Variants in PARD3 observed in about 807,000 individuals in gnomAD.
PARD3 encodes partitioning defective 3 homolog.
PARD3 carries 75 observed loss-of-function variants against 155.4 expected under a neutral mutation model. The observed-to-expected ratio is 0.48, with a 90% CI of 0.40 to 0.58. PARD3 has a LOEUF of 0.58. Ranked by LOEUF, PARD3 falls within the 20% of genes least tolerant of loss-of-function variation. The probability of loss-of-function intolerance (pLI) is 0.00; values close to 1 mark genes in which losing one functional copy is unlikely to be tolerated. For synonymous variants in PARD3, 576 were observed against 610.5 expected (o/e 0.94, Z 0.83); for missense variants, 1,642 against 1,721.7 (o/e 0.95, Z 0.82).
At chr10:34,424,168 T>C (rs951768449) in intron 5 of PARD3, among the ~76,000 whole-genome samples, 3 of 152,198 alleles carry the variant, frequency 2.0e-5, no homozygotes, top group Non-Finnish European at 4.4e-5. Flanking sequence ...TGATGAACAC[T>C]TCCATTCTTT....
At chr10:34,608,927 C>G (rs931856955) in intron 2 of PARD3, among the ~76,000 whole-genome samples, 3 of 152,250 alleles carry the variant, frequency 2.0e-5, no homozygotes, top group Non-Finnish European at 2.9e-5. Flanking sequence ...CATCTACAGT[C>G]TACAGGAGAG....
intron 7 of PARD3, among the ~76,000 whole-genome samples, chr10:34,384,872 A>C (rs933735596): frequency 7.2e-5 from 11 of 152,206 alleles, no homozygotes; most frequent in Non-Finnish European, 1.5e-5. Flanking sequence ...GGAAAAACAA[A>C]TGACCCAACA....
At chr10:34,202,560 C>A (rs544801861) in intron 22 of PARD3, among the ~76,000 whole-genome samples, 1 of 152,296 alleles carries the variant, frequency 6.6e-6, no homozygotes, top group South Asian at 2.1e-4. Context: ...AGCTAAGTGA[C>A]TTCACCACAT....
At chr10:34,546,476 C>G (rs1238248815) in intron 2 of PARD3, among the ~76,000 whole-genome samples, 1 of 151,752 alleles carries the variant, frequency 6.6e-6, no homozygotes, top group Non-Finnish European at 1.5e-5. Context: ...GAGACTGTAC[C>G]ACTGCACACC....
At chr10:34,185,999 A>G (rs2133229183) in intron 22 of PARD3, among the ~76,000 whole-genome samples, 1 of 152,138 alleles carries the variant, frequency 6.6e-6, no homozygotes, top group East Asian at 1.9e-4. Context: ...TTTGTTTCCA[A>G]GGAGTTGAGC....
At chr10:34,754,200 C>T (rs575364751) in intron 1 of PARD3, among the ~76,000 whole-genome samples, 1 of 152,056 alleles carries the variant, frequency 6.6e-6, no homozygotes, top group Non-Finnish European at 1.5e-5. Flanking sequence ...GAGATGGGAT[C>T]TTGCTATGTT....
At chr10:34,809,007 C>T (rs1191539576) in intron 1 of PARD3, among the ~76,000 whole-genome samples, 8 of 152,190 alleles carry the variant, frequency 5.3e-5, no homozygotes, top group East Asian at 1.9e-4. Context: ...TCGCCCAAGG[C>T]GAATCCCAGG....
At chr10:34,466,124 A>C (rs1589677326) in intron 4 of PARD3, among the ~76,000 whole-genome samples, 1 of 152,202 alleles carries the variant, frequency 6.6e-6, no homozygotes, top group South Asian at 2.1e-4. Flanking sequence ...AGTCAGCCAC[A>C]AAATACTGGA....
At chr10:34,279,177 C>T (rs960094965) in intron 21 of PARD3, among the ~76,000 whole-genome samples, 4 of 128,056 alleles carry the variant, frequency 3.1e-5, no homozygotes, top group Non-Finnish European at 6.3e-5. Context: ...GACAAGCTCT[C>T]ACTCTGTCAC....
intron 12 of PARD3, among the ~76,000 whole-genome samples, chr10:34,364,380 A>C (rs1281840839): frequency 6.6e-6 from 1 of 152,098 alleles, no homozygotes; most frequent in African/African-American, 2.4e-5. Flanking sequence ...TCATCACTCC[A>C]CTATAAATCA....
intron 16 of PARD3, among the ~76,000 whole-genome samples, chr10:34,338,284 C>T (rs2384208): frequency 0.6 from 91,159 of 152,138 alleles, 29,360 homozygotes; most frequent in African/African-American, 0.86. Context: ...GTTCCTCCAA[C>T]GCAAGTGGTT....
intron 2 of PARD3, among the ~76,000 whole-genome samples, chr10:34,626,337 C>T (rs1052859093): frequency 1.3e-5 from 2 of 152,188 alleles, no homozygotes; most frequent in Non-Finnish European, 2.9e-5. Context: ...TGTGTGTGTA[C>T]ACTTTCTCTC....
chr10:34,527,835 GA>G (rs1003557925), intron 2 of PARD3, among the ~76,000 whole-genome samples: 55 of 152,288 alleles, frequency 3.6e-4, no homozygotes, highest in African/African-American at 1.3e-3. Context: ...GGGCAAAGAT[GA>G]AAAACTTCAT....
chr10:34,225,229 A>C (rs1387145140), intron 22 of PARD3, among the ~76,000 whole-genome samples: 1 of 152,202 alleles, frequency 6.6e-6, no homozygotes. Flanking sequence ...AAGTAGGAGG[A>C]AGCTGTATCA....
At chr10:34,633,501 C>T (rs556698163) in intron 2 of PARD3, among the ~76,000 whole-genome samples, 4 of 152,308 alleles carry the variant, frequency 2.6e-5, no homozygotes, top group South Asian at 2.1e-4. Context: ...GTTCCATACA[C>T]GTTGTCACAG....
At chr10:34,725,105 T>TGTGTGTGTG (rs2094679434) in intron 1 of PARD3, among the ~76,000 whole-genome samples, 4 of 135,784 alleles carry the variant, frequency 2.9e-5, no homozygotes, top group African/African-American at 1.1e-4. Flanking sequence ...AGTCAAAACT[T>TGTGTGTGTG]TGTGTGTGTG....
chr10:34,447,240 G>A (rs138904461), intron 5 of PARD3, among the ~76,000 whole-genome samples: 21 of 152,146 alleles, frequency 1.4e-4, no homozygotes, highest in South Asian at 6.2e-4. Context: ...AGCACTTTGG[G>A]AGGCTGAGGC....
rs1842118777 is a variant in PARD3, at chr10:34,384,126, T to C, written c.1016+3A>G. On this transcript the variant is annotated splice_donor_region_variant and intron_variant, in intron 8 of 24. Transcript: ENST00000374788. ...AACAGAAGTGCAGCGAGCACACACT[T>C]ACTGTTCAAATCTTCTATTTCGAAG... 1 of 1,613,258 alleles carries C rather than the reference T, an allele frequency of 6.2e-7. No individual in the cohort carries two copies. Among genetic ancestry groups the C allele is most frequent in the Non-Finnish European group, 8.5e-7 (1 of 1,179,778 alleles).
intron 2 of PARD3, among the ~76,000 whole-genome samples, chr10:34,533,120 T>A (rs1263247951): frequency 6.6e-6 from 1 of 152,238 alleles, no homozygotes; most frequent in Non-Finnish European, 1.5e-5. Flanking sequence ...TATAATCTTA[T>A]GGGACCATCA....
Sources: allele counts gnomAD v4.1 joint callset (sites outside exome capture counted in the v4.1 genomes callset), GRCh38; gene constraint gnomAD v4.1.1; transcripts MANE v1.5; gene names NCBI Gene and HGNC (gene_info 2026-07-23, HGNC 2026-07-21).